Variants in MED27 observed in about 807,000 individuals in gnomAD.
MED27 encodes the protein mediator complex subunit 27, also known as mediator of RNA polymerase II transcription subunit 27.
A neutral mutation model predicts 38.2 loss-of-function variants in MED27; 30 were observed. The observed-to-expected ratio is 0.79, with a 90% CI of 0.59 to 1.07. The LOEUF is 1.07. Among genes scored for constraint, MED27 ranks in the 50% least tolerant of loss-of-function variants. The pLI is 0.00. For missense variants in MED27, 289 were observed against 397.5 expected (o/e 0.73, Z 2.32); for synonymous variants, 122 against 153.5 (o/e 0.79, Z 1.52).
chr9:132,073,253 T>C (rs1833980327), intron 2 of MED27: 1 of 896,146 alleles, frequency 1.1e-6, no homozygotes, highest in Non-Finnish European at 1.3e-6. Context: ...ACTGGCTTTC[T>C]CAGTAATGGC....
At chr9:131,871,312 T>G (rs985194733) in intron 6 of MED27, among the ~76,000 whole-genome samples, 1 of 152,234 alleles carries the variant, frequency 6.6e-6, no homozygotes, top group Non-Finnish European at 1.5e-5. Context: ...AACTCCCAGA[T>G]TCCAGGTTTT....
chr9:131,948,950 G>A (rs1256506114), intron 3 of MED27, among the ~76,000 whole-genome samples: 6 of 152,128 alleles, frequency 3.9e-5, no homozygotes, highest in African/African-American at 9.7e-5. Flanking sequence ...TCCAGAAGTC[G>A]AAATCAATGC....
chr9:131,901,091 A>G (rs1829937810), intron 4 of MED27, among the ~76,000 whole-genome samples: 1 of 91,158 alleles, frequency 1.1e-5, no homozygotes, highest in African/African-American at 4.4e-5. Flanking sequence ...GGGAGAGAGA[A>G]TGAGGGAGGG....
intron 4 of MED27, among the ~76,000 whole-genome samples, chr9:131,895,074 C>T (rs1829803933): frequency 6.6e-6 from 1 of 152,160 alleles, no homozygotes; most frequent in African/African-American, 2.4e-5. Context: ...CAGATACGGG[C>T]ATCATGCTTC....
At chr9:131,868,620 A>T in intron 6 of MED27, 1 of 985,506 alleles carries the variant, frequency 1.0e-6, no homozygotes. Flanking sequence ...GAGGATGTCC[A>T]GAAGTTGGGA....
intron 2 of MED27, among the ~76,000 whole-genome samples, chr9:132,060,804 C>T (rs2131150084): frequency 6.6e-6 from 1 of 152,204 alleles, no homozygotes; most frequent in South Asian, 2.1e-4. Context: ...CAAAAATTAG[C>T]CAGGCATGGT....
chr9:132,004,132 C>T (rs1238793144), intron 3 of MED27, among the ~76,000 whole-genome samples: 1 of 152,192 alleles, frequency 6.6e-6, no homozygotes, highest in Non-Finnish European at 1.5e-5. Context: ...AATCAGTTCT[C>T]CTGTCCGCCT....
At position 131,997,218 on chromosome 9, in the gene MED27, G is replaced by A. The variant is rs1383697094; in HGVS notation, c.479+17119C>T. 6.6e-6 allele frequency among the ~76,000 whole-genome samples: 1 copy of A among 152,138 alleles called. No individual in the cohort carries two copies. The highest frequency in any genetic ancestry group is 1.5e-5 in the Non-Finnish European group (1 of 68,024). Reference sequence around the variant, plus strand: ...TTAACTTCCAGCATGCTGGAGCTTAGCCATCTAGTAATAGTATCACAGCTG... The same window carrying A: ...TTAACTTCCAGCATGCTGGAGCTTAACCATCTAGTAATAGTATCACAGCTG... On this transcript the variant is annotated intron_variant, in intron 3 of 7. Coordinates refer to ENST00000292035, the MANE Select transcript of MED27 (RefSeq NM_004269.4). This position sits in a 1 kb window ranked among gnomAD's most constrained non-coding sequence, Gnocchi z 4.0.
chr9:131,916,597 A>G (rs1173294130), intron 4 of MED27, among the ~76,000 whole-genome samples: 7 of 152,252 alleles, frequency 4.6e-5, no homozygotes, highest in Admixed American at 2.6e-4. Flanking sequence ...AATAATTTAC[A>G]TTGTCTCTTT....
At chr9:132,007,827 C>T (rs914345467) in intron 3 of MED27, among the ~76,000 whole-genome samples, 3 of 151,890 alleles carry the variant, frequency 2.0e-5, no homozygotes, top group African/African-American at 7.3e-5. Flanking sequence ...GCTTGGAGCA[C>T]GAATAGCTCA....
At position 131,863,132 on chromosome 9, in the gene MED27, G is replaced by T; in HGVS notation, c.732C>A (p.Asp244Glu). 1 of 1,614,120 alleles carries T rather than the reference G, an allele frequency of 6.2e-7. No homozygotes were observed. The highest frequency in any genetic ancestry group is 8.5e-7 in the Non-Finnish European group (1 of 1,179,982). ...SNYQVFQKVT[D>E]HATTALLHYQ... ...AGTGGAGCAGGGCAGTGGTGGCATGGTCTGTCACCTGAGAGTGAAGGACAA... is the reference window on the plus strand; with the variant it reads ...AGTGGAGCAGGGCAGTGGTGGCATGTTCTGTCACCTGAGAGTGAAGGACAA... Residue 244 changes from aspartate (D) to glutamate (E), a missense_variant, in exon 7 of 8, where the codon GAC (aspartate) becomes GAA (glutamate). Transcript: ENST00000292035.
chr9:131,978,022 G>A (rs1313132590), intron 3 of MED27, among the ~76,000 whole-genome samples: 2 of 152,212 alleles, frequency 1.3e-5, no homozygotes, highest in Admixed American at 1.3e-4. Flanking sequence ...CAAAAAGAGA[G>A]ACAACCAGAC....
rs2131442903 is a variant in MED27, at chr9:131,860,666, A to G, written c.808T>C (p.Leu270=). The G allele has an allele frequency of 6.2e-7, 1 of 1,613,252 alleles. No homozygotes were observed. The highest frequency in any genetic ancestry group is 2.2e-5 in the East Asian group (1 of 44,836). ...DVVVRSFMTW[L]RSYIKLFQAP... ...TGGAACAGCTTTATGTAACTTCTTA[A>G]CCAGGTCTAAAAAGAGAAACGAGGA... is the stretch of plus-strand genomic sequence containing the variant. The change falls in exon 8 of 8, where the codon TTA becomes CTA. Residue 270 remains leucine, a synonymous_variant. Coordinates refer to ENST00000292035, the MANE Select transcript of MED27 (RefSeq NM_004269.4). The surrounding 1 kb of genome is among the most constrained non-coding windows in gnomAD (Gnocchi z 5.8).
chr9:131,866,337 G>A (rs551978710), intron 6 of MED27, among the ~76,000 whole-genome samples: 3 of 152,316 alleles, frequency 2.0e-5, no homozygotes, highest in South Asian at 2.1e-4. Flanking sequence ...GCAAGGCGTC[G>A]TGCAAATTAC....
At chr9:131,874,857 C>T (rs995702159) in intron 6 of MED27, among the ~76,000 whole-genome samples, 1 of 152,228 alleles carries the variant, frequency 6.6e-6, no homozygotes, top group African/African-American at 2.4e-5. Flanking sequence ...GTTCTGCACC[C>T]ACTTGGTGTG....
At chr9:132,022,357 C>G (rs1027669624) in intron 2 of MED27, among the ~76,000 whole-genome samples, 1 of 152,156 alleles carries the variant, frequency 6.6e-6, no homozygotes, top group African/African-American at 2.4e-5. Context: ...ACAGAAGTAA[C>G]AGGGAAGAAT....
chr9:131,922,533 C>A (rs1283201227), intron 4 of MED27, among the ~76,000 whole-genome samples: 1 of 151,748 alleles, frequency 6.6e-6, no homozygotes, highest in Non-Finnish European at 1.5e-5. Flanking sequence ...CTCCACCTCC[C>A]AGGTTCAAGC....
chr9:131,987,578 C>T (rs76121035), intron 3 of MED27, among the ~76,000 whole-genome samples: 76 of 152,266 alleles, frequency 5.0e-4, no homozygotes, highest in Non-Finnish European at 6.6e-4. Context: ...AGAGATCAAA[C>T]GGTTATTCAA....
At chr9:131,995,963 T>C (rs911479802) in intron 3 of MED27, among the ~76,000 whole-genome samples, 1 of 152,126 alleles carries the variant, frequency 6.6e-6, no homozygotes, top group African/African-American at 2.4e-5. Context: ...TGATATCCCA[T>C]GGTAGACTTC....
Sources: gnomAD v4.1 joint callset for allele counts (sites outside exome capture counted in the v4.1 genomes callset) on GRCh38, gnomAD v4.1.1 for gene constraint, Gnocchi (gnomAD v3.1) non-coding constraint, MANE v1.5 for transcripts, NCBI Gene and HGNC (gene_info 2026-07-23, HGNC 2026-07-21) for gene names.